Variants in PDS5B observed in about 807,000 individuals in gnomAD.
The protein encoded by PDS5B is PDS5 cohesin associated factor B, also known as sister chromatid cohesion protein PDS5 homolog B.
PDS5B carries 51 observed loss-of-function variants against 184.1 expected under a neutral mutation model. The observed-to-expected ratio is 0.28, with a 90% CI of 0.22 to 0.35. PDS5B has a LOEUF of 0.35. PDS5B is among the 10% of genes least tolerant of loss of function. The pLI, the probability that PDS5B is intolerant of heterozygous loss-of-function variation, is 1.00. For missense variants in PDS5B, 1,180 were observed against 1,723.3 expected, an observed-to-expected ratio of 0.68 and a Z score of 5.58; for synonymous variants, 566 against 569.2, an observed-to-expected ratio of 0.99 and a Z score of 0.08.
chr13:32,760,475 G>C (rs542081281), intron 29 of PDS5B, 100 bp from the exon 30 acceptor site: 26 of 1,104,734 alleles, frequency 2.4e-5, no homozygotes, highest in Middle Eastern at 2.1e-4. Context: ...TTCATGATTT[G>C]TAAGTAAATA....
chr13:32,663,504 T>G (rs1245852509), intron 6 of PDS5B, among the ~76,000 whole-genome samples: 1 of 152,144 alleles, frequency 6.6e-6, no homozygotes, highest in Non-Finnish European at 1.5e-5. Context: ...AAGACAAATT[T>G]TAATAGATAT....
intron 19 of PDS5B, among the ~76,000 whole-genome samples, chr13:32,726,111 A>G (rs1272130947): frequency 4.6e-5 from 7 of 151,270 alleles, no homozygotes; most frequent in East Asian, 1.9e-4. Context: ...CCAATCCTCA[A>G]TCCTCTAACC....
At chr13:32,752,632 G>A (rs1013180039) in intron 24 of PDS5B, among the ~76,000 whole-genome samples, 3 of 152,152 alleles carry the variant, frequency 2.0e-5, no homozygotes, top group African/African-American at 7.2e-5. Flanking sequence ...TACACACTGC[G>A]TTCTGTCTGA....
Position 32,776,274 on chromosome 13 carries a change from A to G in PDS5B, c.*1222A>G, listed in dbSNP as rs1042765147. 4.6e-5 allele frequency: 7 copies of G among 152,462 alleles called. No homozygotes were observed. Among genetic ancestry groups the G allele is most frequent in the African/African-American group, 1.7e-4 (7 of 41,388 alleles). The allele number at this position is 152,462 out of a possible 1,614,324, so 9.4% of individuals were successfully genotyped here. Reference sequence around the variant, plus strand: ...TTGTACTTTATTTTGGAGCCAAAAAATTGATTCTGGGGGGTGGGGGCAGCG... The same window carrying G: ...TTGTACTTTATTTTGGAGCCAAAAAGTTGATTCTGGGGGGTGGGGGCAGCG... On this transcript the variant is annotated 3_prime_UTR_variant, in exon 35 of 35. Coordinates refer to ENST00000315596, the MANE Select transcript of PDS5B (RefSeq NM_015032.4).
At chr13:32,768,242 G>A (rs557911107) in intron 31 of PDS5B, among the ~76,000 whole-genome samples, 1 of 152,272 alleles carries the variant, frequency 6.6e-6, no homozygotes, top group Admixed American at 6.5e-5. Context: ...CTGTCTTCCT[G>A]GGTTACAGAT....
chr13:32,681,687 T>G (rs1164736584), intron 10 of PDS5B, among the ~76,000 whole-genome samples: 3 of 151,954 alleles, frequency 2.0e-5, no homozygotes, highest in Non-Finnish European at 4.4e-5. Flanking sequence ...CTTCAATTAT[T>G]TTCTTTTAAA....
At chr13:32,599,091 A>G (rs2057931084) in intron 1 of PDS5B, among the ~76,000 whole-genome samples, 1 of 151,706 alleles carries the variant, frequency 6.6e-6, no homozygotes, top group South Asian at 2.1e-4. Context: ...CCTTTAATCA[A>G]TTTAAAGATG....
intron 10 of PDS5B, among the ~76,000 whole-genome samples, chr13:32,681,208 A>G (rs1189743838): frequency 6.6e-6 from 1 of 152,150 alleles, no homozygotes; most frequent in Non-Finnish European, 1.5e-5. Flanking sequence ...ATCTCATTCT[A>G]TAGAAGATTC....
At chr13:32,685,002 A>G (rs1951345716) in intron 11 of PDS5B, among the ~76,000 whole-genome samples, 3 of 152,216 alleles carry the variant, frequency 2.0e-5, no homozygotes, top group Admixed American at 6.5e-5. Flanking sequence ...AGTCCCAGCT[A>G]CTCGGGAGGC....
intron 1 of PDS5B, among the ~76,000 whole-genome samples, chr13:32,590,281 G>A (rs3742320): frequency 0.34 from 51,437 of 151,918 alleles, 8,938 homozygotes; most frequent in Non-Finnish European, 0.38. Context: ...CTTTTTTGAC[G>A]GATAATTACC....
At chr13:32,754,422 A>C (rs1170226326) in intron 25 of PDS5B, among the ~76,000 whole-genome samples, 1 of 152,086 alleles carries the variant, frequency 6.6e-6, no homozygotes, top group African/African-American at 2.4e-5. Flanking sequence ...GATTACTTGA[A>C]ATTTGTGTAA....
chr13:32,769,267 G>A (rs1378671519), intron 31 of PDS5B, among the ~76,000 whole-genome samples: 1 of 152,224 alleles, frequency 6.6e-6, no homozygotes, highest in Non-Finnish European at 1.5e-5. Context: ...TACGAAGGAT[G>A]TAATTAGGCA....
chr13:32,702,758 T>C (rs78401596), intron 17 of PDS5B, among the ~76,000 whole-genome samples: 3 of 152,284 alleles, frequency 2.0e-5, no homozygotes, highest in East Asian at 3.9e-4. Context: ...AAAACTGTTA[T>C]GAGATGATCC....
intron 1 of PDS5B, among the ~76,000 whole-genome samples, chr13:32,588,269 G>A (rs1055598132): frequency 6.6e-6 from 1 of 152,184 alleles, no homozygotes; most frequent in Non-Finnish European, 1.5e-5. Context: ...TGCTGAATAT[G>A]TAGGTGAAAA....
chr13:32,727,874 A>G (rs910040913), intron 19 of PDS5B, among the ~76,000 whole-genome samples: 19 of 150,852 alleles, frequency 1.3e-4, no homozygotes, highest in East Asian at 3.9e-4. Flanking sequence ...TTTTTAATCT[A>G]TTCTCTCCAT....
intron 19 of PDS5B, among the ~76,000 whole-genome samples, chr13:32,717,001 CCGTCCGGGAGGGA>C (rs1952466570): frequency 2.3e-5 from 3 of 133,288 alleles, no homozygotes; most frequent in Admixed American, 1.4e-4. Context: ...GCCAGCTGCC[CCGTCCGGGAGGGA>C]GGTGGGGGGG....
chr13:32,592,454 ACCATGCTGG>A (rs1593226876), intron 1 of PDS5B, among the ~76,000 whole-genome samples: 2 of 152,134 alleles, frequency 1.3e-5, no homozygotes, highest in East Asian at 3.9e-4. Flanking sequence ...ACAGGGTTTC[ACCATGCTGG>A]CCAGGCTGGT....
chr13:32,618,967 T>C (rs1593271169), intron 1 of PDS5B, among the ~76,000 whole-genome samples: 2 of 152,332 alleles, frequency 1.3e-5, no homozygotes, highest in East Asian at 1.9e-4. Flanking sequence ...TCCATATACA[T>C]GTGAGTCTGT....
intron 13 of PDS5B, chr13:32,691,166 T>C (rs1270445466): frequency 2.0e-5 from 3 of 152,084 alleles, no homozygotes; most frequent in Non-Finnish European, 4.4e-5. Context: ...TTTAAAAATT[T>C]TTTTTAACAT....
Sources: gnomAD v4.1 joint callset for allele counts (sites outside exome capture counted in the v4.1 genomes callset) on GRCh38, gnomAD v4.1.1 for gene constraint, MANE v1.5 for transcripts, NCBI Gene and HGNC (gene_info 2026-07-23, HGNC 2026-07-21) for gene names.